The following RARB variants were observed in gnomAD, a reference collection of about 807,000 sequenced individuals.
The protein encoded by RARB is retinoic acid receptor beta, also known as HBV-activated protein.
A neutral mutation model predicts 51.9 loss-of-function variants in RARB; 17 were observed. The ratio of observed to expected loss-of-function variants is 0.33; its 90% CI spans 0.22 to 0.49. The LOEUF is 0.49. RARB is among the 20% of genes least tolerant of loss of function. RARB has a pLI of 0.99. For synonymous variants in RARB, 215 were observed against 195.4 expected, an observed-to-expected ratio of 1.10 and a Z score of -0.84; for missense variants, 369 against 550.8, an observed-to-expected ratio of 0.67 and a Z score of 3.30.
intron 2 of RARB, among the ~76,000 whole-genome samples, chr3:24,928,208 T>C (rs1039684598): frequency 2.0e-5 from 3 of 151,974 alleles, no homozygotes; most frequent in Non-Finnish European, 2.9e-5. Context: ...CCATTGCTTA[T>C]GCAGTATCAT....
rs546918941 is a variant in RARB, at chr3:25,547,550, A to G, written c.449-22208A>G. The stretch of plus-strand genomic sequence containing the variant: ...GCGGTCATTGCTTTTCTGCCAACCT[A>G]GTGAACCCCCTGCAGAAAGCAGGAT... On this transcript the variant is annotated intron_variant, in intron 3 of 7. Coordinates refer to ENST00000330688, the MANE Select transcript of RARB (RefSeq NM_000965.5). Among the ~76,000 whole-genome samples the G allele has an allele frequency of 2.0e-5, 3 of 152,336 alleles. No individual in the cohort carries two copies. The South Asian group carries it at 6.2e-4, about 32-fold the overall frequency.
In RARB at chr3:25,270,624, C is replaced by T. The variant is rs539766419; in HGVS notation, c.178+96049C>T. On this transcript the variant is annotated intron_variant, in intron 5 of 11. Transcript: ENST00000383772. ...AAAACTTAATGGGGAGAGAATAAGC[C>T]GTGTTATCCCAGCCTATCACTGATA... Among the ~76,000 whole-genome samples, 11 of 152,216 alleles carry T rather than the reference C, an allele frequency of 7.2e-5. No individual in the cohort carries two copies. In the East Asian group the frequency reaches 1.2e-3, roughly 16 times the overall value.
At chr3:24,883,447 G>T (rs1220175830) in intron 2 of RARB, among the ~76,000 whole-genome samples, 1 of 150,484 alleles carries the variant, frequency 6.6e-6, no homozygotes, top group Non-Finnish European at 1.5e-5. Context: ...GGTCTATGAA[G>T]CAAACAAACT....
At chr3:25,288,215 T>G (rs1178479012) in intron 5 of RARB, among the ~76,000 whole-genome samples, 2 of 152,182 alleles carry the variant, frequency 1.3e-5, no homozygotes, top group Non-Finnish European at 2.9e-5. Flanking sequence ...AAATTTTGTT[T>G]GCACTGTAGC....
Position 25,113,768 on chromosome 3 carries a change from C to G in RARB, c.-327-18393C>G, listed in dbSNP as rs1191573400. Among the ~76,000 whole-genome samples the G allele has an allele frequency of 2.6e-5, 4 of 152,128 alleles. No homozygotes were observed. In the East Asian group the frequency reaches 7.7e-4, roughly 29 times the overall value. On this transcript the variant is annotated intron_variant, in intron 3 of 11. Coordinates refer to the RARB transcript ENST00000383772. ...AAAGATGGTAGGTAGAAAGCAGTTC[C>G]AGAAAGTTCCCTGGCAACAGCCAGT...
chr3:24,867,431 G>A (rs1162514374), intron 2 of RARB, among the ~76,000 whole-genome samples: 1 of 152,128 alleles, frequency 6.6e-6, no homozygotes. Flanking sequence ...CACTTTCCTA[G>A]GAAAAGCTTG....
rs996630651 is a variant in RARB at position 25,195,466 on chromosome 3, G to A, written c.178+20891G>A. On this transcript the variant is annotated intron_variant, in intron 5 of 11. Coordinates refer to the RARB transcript ENST00000383772. ...CGATTCAGACATTAAAAAATAGCAC[G>A]TGACGTCAGCTTGGAGATCCCTAAT... is the stretch of plus-strand genomic sequence containing the variant. Among the ~76,000 whole-genome samples the A allele has an allele frequency of 4.6e-5, 7 of 151,970 alleles. No individual in the cohort carries two copies. The East Asian group carries it at 1.4e-3, about 29-fold the overall frequency.
intron 2 of RARB, among the ~76,000 whole-genome samples, chr3:24,930,409 C>T (rs1215507478): frequency 6.6e-6 from 1 of 152,044 alleles, no homozygotes; most frequent in Non-Finnish European, 1.5e-5. Context: ...ATAAAATTCT[C>T]AGCAATATTC....
chr3:25,039,858 C>T (rs898565173), intron 2 of RARB, among the ~76,000 whole-genome samples: 5 of 152,156 alleles, frequency 3.3e-5, no homozygotes, highest in African/African-American at 9.7e-5. Context: ...GAAAATTAGA[C>T]GTGGCCCATG....
intron 2 of RARB, among the ~76,000 whole-genome samples, chr3:24,976,185 T>C (rs921789371): frequency 6.6e-6 from 1 of 152,180 alleles, no homozygotes; most frequent in Admixed American, 6.5e-5. Context: ...GACATTTGGG[T>C]TGGTTCCAAG....
At chr3:25,165,458 G>A in intron 4 of RARB, among the ~76,000 whole-genome samples, 1 of 152,084 alleles carries the variant, frequency 6.6e-6, no homozygotes, top group East Asian at 1.9e-4. Flanking sequence ...CTCCCACTGG[G>A]CACACTACTG....
At chr3:25,199,349 A>G (rs1701333273) in intron 5 of RARB, among the ~76,000 whole-genome samples, 1 of 152,056 alleles carries the variant, frequency 6.6e-6, no homozygotes, top group Non-Finnish European at 1.5e-5. Context: ...GTTATTGGGT[A>G]TAAAAATATA....
At chr3:25,264,033 A>T (rs1023585506) in intron 5 of RARB, among the ~76,000 whole-genome samples, 2 of 151,908 alleles carry the variant, frequency 1.3e-5, no homozygotes, top group African/African-American at 4.8e-5. Flanking sequence ...TTTTCAGACG[A>T]CTCCCATGCT....
At chr3:24,997,955 A>G (rs1481691517) in intron 2 of RARB, among the ~76,000 whole-genome samples, 1 of 152,082 alleles carries the variant, frequency 6.6e-6, no homozygotes, top group Non-Finnish European at 1.5e-5. Context: ...ACAATAAAGT[A>G]TTTCTTTTAT....
chr3:25,349,198 C>T (rs1236153407), intron 5 of RARB, among the ~76,000 whole-genome samples: 1 of 152,200 alleles, frequency 6.6e-6, no homozygotes, highest in Non-Finnish European at 1.5e-5. Context: ...CTGACAGTGA[C>T]TTGCACTACC....
At chr3:25,387,968 A>G (rs527362314) in intron 5 of RARB, among the ~76,000 whole-genome samples, 1 of 152,232 alleles carries the variant, frequency 6.6e-6, no homozygotes, top group East Asian at 1.9e-4. Context: ...GGCATAAATC[A>G]CTAAGGAGAC....
At chr3:25,208,336 A>G (rs778022281) in intron 5 of RARB, among the ~76,000 whole-genome samples, 11 of 152,212 alleles carry the variant, frequency 7.2e-5, no homozygotes, top group Non-Finnish European at 1.6e-4. Flanking sequence ...GAAATTTTGA[A>G]TATAAGTTCA....
intron 3 of RARB, among the ~76,000 whole-genome samples, chr3:25,546,583 G>T (rs1575506354): frequency 6.6e-6 from 1 of 152,170 alleles, no homozygotes; most frequent in East Asian, 1.9e-4. Context: ...TGTCTAGTCT[G>T]AGAAACTTAT....
At chr3:25,026,079 A>G (rs1315316685) in intron 2 of RARB, among the ~76,000 whole-genome samples, 2 of 152,264 alleles carry the variant, frequency 1.3e-5, no homozygotes, top group Non-Finnish European at 1.5e-5. Context: ...AGTTTTCATG[A>G]GTGCTCTTGC....
Sources: allele counts gnomAD v4.1 joint callset (sites outside exome capture counted in the v4.1 genomes callset), GRCh38; gene constraint gnomAD v4.1.1; transcripts MANE v1.5; gene names NCBI Gene and HGNC (gene_info 2026-07-23, HGNC 2026-07-21).